The following SNED1 variants were observed in gnomAD, a reference collection of about 807,000 sequenced individuals.
SNED1 encodes sushi, nidogen and EGF-like domain-containing protein 1.
Under a neutral mutation model 166.7 loss-of-function variants are expected in SNED1, and 81 were observed. The ratio of observed to expected loss-of-function variants is 0.49; its 90% confidence interval spans 0.41 to 0.58. The LOEUF (loss-of-function observed/expected upper bound fraction) is 0.58, where lower values mean the gene tolerates loss of function less well. Among genes scored for constraint, SNED1 ranks in the 20% least tolerant of loss-of-function variants. The probability of loss-of-function intolerance (pLI) is 0.00; values close to 1 mark genes in which losing one functional copy is unlikely to be tolerated. For synonymous variants in SNED1, 762 were observed against 822.0 expected (o/e 0.93, Z 1.25); for missense variants, 1,604 against 2,000.2 (o/e 0.80, Z 3.78).
chr2:241,079,591 G>C (rs946539981), intron 27 of SNED1, among the ~76,000 whole-genome samples: 1 of 152,084 alleles, frequency 6.6e-6, no homozygotes, highest in Non-Finnish European at 1.5e-5. Flanking sequence ...GATCGGCGAG[G>C]CTTCTCTGAA....
intron 1 of SNED1, among the ~76,000 whole-genome samples, chr2:241,002,057 G>A (rs561851388): frequency 2.3e-4 from 35 of 152,208 alleles, no homozygotes; most frequent in Admixed American, 3.3e-4. Context: ...CCCAGAACAC[G>A]GAGCCCAGGG....
Position 241,005,193 on chromosome 2 carries a change from CTGTTTT to C in SNED1, c.213+6162_213+6167del, listed in dbSNP as rs144077532. Among the ~76,000 whole-genome samples, 4,625 of 151,324 alleles carry C rather than the reference CTGTTTT, an allele frequency of 0.031. 471 individuals are homozygous for C. In the East Asian group the frequency reaches 0.32, roughly 10 times the overall value. Reference sequence around the variant, plus strand: ...TTTAAATTTTAGTTTAGTTTAGTTTCTGTTTTTGTTTTTGTTTTTGTTTTGAGATGG... The same window carrying C: ...TTTAAATTTTAGTTTAGTTTAGTTTCTGTTTTTGTTTTTGTTTTGAGATGG... On this transcript the variant is annotated intron_variant, in intron 1 of 31. Coordinates refer to ENST00000310397, the MANE Select transcript of SNED1 (RefSeq NM_001080437.3).
intron 1 of SNED1, among the ~76,000 whole-genome samples, chr2:241,008,155 C>T (rs1038987778): frequency 6.6e-6 from 1 of 152,242 alleles, no homozygotes; most frequent in African/African-American, 2.4e-5. Context: ...TGTGCTGCTC[C>T]AGGGCCACCT....
At chr2:241,028,426 T>C (rs2061052434) in intron 1 of SNED1, among the ~76,000 whole-genome samples, 1 of 152,208 alleles carries the variant, frequency 6.6e-6, no homozygotes, top group African/African-American at 2.4e-5. Flanking sequence ...TCTTAGCTCT[T>C]ATGTTTAGGT....
intron 2 of SNED1, among the ~76,000 whole-genome samples, chr2:241,033,321 A>G (rs916089427): frequency 2.0e-5 from 3 of 152,184 alleles, no homozygotes; most frequent in Non-Finnish European, 4.4e-5. Context: ...TGTGAAAACC[A>G]TAAGGCCTGA....
chr2:241,009,629 A>T (rs2060324899), intron 1 of SNED1, among the ~76,000 whole-genome samples: 1 of 152,076 alleles, frequency 6.6e-6, no homozygotes, highest in Non-Finnish European at 1.5e-5. Context: ...CAGGAGAGAG[A>T]GGACATGGCA....
chr2:241,094,507 A>G lies in SNED1; in HGVS notation c.*2871A>G. The G allele has an allele frequency of 2.3e-6, 1 of 426,080 alleles. No homozygotes were observed. Among genetic ancestry groups the G allele is most frequent in the African/African-American group, 2.1e-5 (1 of 48,498 alleles). 26.4% of individuals were successfully genotyped at this position (426,080 alleles called of 1,614,324 possible). ...CATGCAGCTCACACCTACCAGGGGT[A>G]TTCCAGTGCATAGGGGAAAGGAACC... is the stretch of plus-strand genomic sequence containing the variant. On this transcript the variant is annotated 3_prime_UTR_variant, in exon 32 of 32. Coordinates refer to ENST00000310397, the MANE Select transcript of SNED1 (RefSeq NM_001080437.3). This position sits in a 1 kb window ranked among gnomAD's most constrained non-coding sequence, Gnocchi z 4.3.
Position 241,052,101 on chromosome 2 carries a change from T to C in SNED1, c.1913T>C (p.Ile638Thr), listed in dbSNP as rs2061861031. ...CHNGGTCFHY[I>T]GKYKCDCPPG... ...AACGGCGGCACCTGCTTCCACTACA[T>C]TGGCAAATACAAGTGTGACTGTCCC... The change falls in exon 14 of 32, where the codon ATT (isoleucine) becomes ACT (threonine). Residue 638 changes from isoleucine to threonine, a missense_variant. Physicochemically the swap from Ile to Thr is moderately conservative, Grantham distance 89 (BLOSUM62 -1). Transcript: ENST00000310397. 1 of 1,613,804 alleles carries C rather than the reference T, an allele frequency of 6.2e-7. No homozygotes were observed. The highest frequency in any genetic ancestry group is 8.5e-7 in the Non-Finnish European group (1 of 1,179,826).
intron 8 of SNED1, among the ~76,000 whole-genome samples, chr2:241,045,343 C>T (rs1040414069): frequency 6.6e-6 from 1 of 151,862 alleles, no homozygotes; most frequent in Non-Finnish European, 1.5e-5. Flanking sequence ...TTTAGAAAAC[C>T]AAAACAATTT....
At chr2:241,084,895 ACTT>A (rs2125319943) in intron 29 of SNED1, among the ~76,000 whole-genome samples, 1 of 152,176 alleles carries the variant, frequency 6.6e-6, no homozygotes, top group East Asian at 1.9e-4. Context: ...CTGAATATAG[ACTT>A]CTTGATTGAC....
At chr2:241,055,322 A>G (rs1012742266) in intron 16 of SNED1, among the ~76,000 whole-genome samples, 2 of 152,220 alleles carry the variant, frequency 1.3e-5, no homozygotes, top group African/African-American at 2.4e-5. Context: ...CACCAGACAC[A>G]TTATAGTAAA....
intron 1 of SNED1, among the ~76,000 whole-genome samples, chr2:241,023,641 T>C (rs1001704067): frequency 3.9e-5 from 6 of 152,186 alleles, no homozygotes; most frequent in African/African-American, 2.4e-5. Flanking sequence ...TTGAACTATT[T>C]CCTTTTGTCA....
chr2:241,065,118 G>A (rs996232536), intron 20 of SNED1, among the ~76,000 whole-genome samples, 161 bp downstream of exon 20: 1 of 151,924 alleles, frequency 6.6e-6, no homozygotes, highest in African/African-American at 2.4e-5. Context: ...CTTGAAACAC[G>A]GTCACACATT....
At chr2:241,023,978 C>A (rs1285163981) in intron 1 of SNED1, among the ~76,000 whole-genome samples, 1 of 148,520 alleles carries the variant, frequency 6.7e-6, no homozygotes, top group Admixed American at 6.7e-5. Context: ...CTCCACCCCC[C>A]GGGTTCAGGC....
chr2:241,028,314 T>C (rs999198070), intron 1 of SNED1, among the ~76,000 whole-genome samples: 12 of 152,224 alleles, frequency 7.9e-5, no homozygotes, highest in Admixed American at 5.9e-4. Context: ...TTGTCTGTTT[T>C]TTCTTTTGTT....
Position 241,036,911 on chromosome 2 carries a change from C to G in SNED1, c.927C>G (p.His309Gln). The change falls in exon 5 of 32, where the codon CAC (histidine) becomes CAG (glutamine). Residue 309 changes from histidine (H) to glutamine (Q), a missense_variant. Coordinates refer to ENST00000310397, the MANE Select transcript of SNED1 (RefSeq NM_001080437.3). ...CGGGCTTCACGGGGCGGAGGTGCCA[C>G]CTGGGTGAGTGACTGGCCCAGGGCG... ...CLSGFTGRRC[H>Q]LDVNECASQP... 1 of 1,610,070 alleles carries G rather than the reference C, an allele frequency of 6.2e-7. No individual in the cohort carries two copies. Among genetic ancestry groups the G allele is most frequent in the Non-Finnish European group, 8.5e-7 (1 of 1,179,030 alleles).
At chr2:241,040,862 T>A in intron 8 of SNED1, 1 of 470,830 alleles carries the variant, frequency 2.1e-6, no homozygotes, top group Non-Finnish European at 4.4e-6. Flanking sequence ...TTTTCTATTC[T>A]ATTTTGTGTT....
chr2:241,029,892 C>T lies in SNED1; in HGVS notation c.214-392C>T, dbSNP rs576192662. Among the ~76,000 whole-genome samples, 88 of 152,386 alleles carry T rather than the reference C, an allele frequency of 5.8e-4. 1 individual carries two copies. Among genetic ancestry groups the T allele is most frequent in the African/African-American group, 1.8e-3 (75 of 41,602 alleles). On this transcript the variant is annotated intron_variant, in intron 1 of 31. Transcript: ENST00000310397. ...AGGCTTAGCTCAGATACTGGGGCTCCGCCTCGCCTCCTGCGGCCCCAGCCG... is the reference window on the plus strand; with the variant it reads ...AGGCTTAGCTCAGATACTGGGGCTCTGCCTCGCCTCCTGCGGCCCCAGCCG...
At position 241,048,654 on chromosome 2, in the gene SNED1, C is replaced by T. The variant is rs368266608; in HGVS notation, c.1400-8C>T. 6.2e-6 allele frequency: 10 copies of T among 1,602,784 alleles called. No individual in the cohort carries two copies. Among genetic ancestry groups the T allele is most frequent in the African/African-American group, 2.7e-5 (2 of 74,766 alleles). On this transcript the variant is annotated splice_region_variant and splice_polypyrimidine_tract_variant and intron_variant, in intron 9 of 31. Transcript: ENST00000310397. ...CACATGGGAGGCTCCTCCCTCTCTT[C>T]GTGGCAGGAGTCCCCGATGACTGTG...
Sources: allele counts gnomAD v4.1 joint callset (sites outside exome capture counted in the v4.1 genomes callset), GRCh38; gene constraint gnomAD v4.1.1; non-coding constraint Gnocchi (gnomAD v3.1); transcripts MANE v1.5; gene names NCBI Gene and HGNC (gene_info 2026-07-23, HGNC 2026-07-21).